The following DTNB variants were observed in gnomAD, a reference collection of about 807,000 sequenced individuals.
DTNB encodes DTN-B.
A neutral mutation model predicts 90.7 loss-of-function variants in DTNB; 63 were observed. The ratio of observed to expected loss-of-function variants is 0.69; its 90% confidence interval spans 0.57 to 0.86. The LOEUF is 0.86. Among genes scored for constraint, DTNB ranks in the 40% least tolerant of loss-of-function variants. The pLI, the probability that DTNB is intolerant of heterozygous loss-of-function variation, is 0.00. For missense variants in DTNB, 744 were observed against 807.1 expected (o/e 0.92, Z 0.95); for synonymous variants, 277 against 286.7 (o/e 0.97, Z 0.34).
At chr2:25,604,561 C>T (rs141762703) in intron 5 of DTNB, among the ~76,000 whole-genome samples, 280 of 152,000 alleles carry the variant, frequency 1.8e-3, no homozygotes, top group African/African-American at 5.1e-3. Flanking sequence ...TATGTACTGC[C>T]ATGCCAAACT....
intron 2 of DTNB, chr2:25,650,213 T>G (rs17047116): frequency 0.14 from 133,141 of 985,250 alleles, 10,271 homozygotes; most frequent in East Asian, 0.59. Context: ...TATCAGGAAT[T>G]ACTGTGTTTG....
chr2:25,455,632 C>T (rs1043164344), intron 10 of DTNB, 138 bp from the exon 11 acceptor site: 1 of 692,020 alleles, frequency 1.4e-6, no homozygotes, highest in South Asian at 1.9e-5. Flanking sequence ...AATAAAAAAC[C>T]CACAATGCAT....
chr2:25,580,369 AAATT>A (rs1348043168), intron 7 of DTNB, among the ~76,000 whole-genome samples: 3 of 151,952 alleles, frequency 2.0e-5, no homozygotes, highest in African/African-American at 7.3e-5. Flanking sequence ...AAAAAGATAA[AAATT>A]AACCAGGTGT....
intron 8 of DTNB, among the ~76,000 whole-genome samples, chr2:25,542,985 TCTCA>T (rs1164999857): frequency 6.6e-6 from 1 of 152,210 alleles, no homozygotes; most frequent in Non-Finnish European, 1.5e-5. Flanking sequence ...TATTTCTCAA[TCTCA>T]CTGTGTTCCT....
intron 5 of DTNB, among the ~76,000 whole-genome samples, chr2:25,601,066 A>G (rs529365863): frequency 5.9e-5 from 9 of 152,358 alleles, no homozygotes; most frequent in African/African-American, 2.2e-4. Flanking sequence ...TATCTCTAAG[A>G]AAAACAATTT....
chr2:25,669,954 A>G (rs34230547), intron 1 of DTNB, among the ~76,000 whole-genome samples: 42,987 of 151,990 alleles, frequency 0.28, 7,323 homozygotes, highest in Non-Finnish European at 0.4. Context: ...TTGAAAATAA[A>G]TGGATTAAAT....
intron 10 of DTNB, among the ~76,000 whole-genome samples, chr2:25,471,105 T>C (rs1225440445): frequency 2.0e-5 from 3 of 152,226 alleles, no homozygotes; most frequent in Admixed American, 1.3e-4. Flanking sequence ...GCCTTCGCTG[T>C]ATTACAAGCT....
chr2:25,441,573 T>A (rs980579604), intron 12 of DTNB, among the ~76,000 whole-genome samples: 1 of 152,242 alleles, frequency 6.6e-6, no homozygotes, highest in Non-Finnish European at 1.5e-5. Context: ...CTCAGTATCG[T>A]GTGTTAGGGC....
chr2:25,623,744 T>C (rs1470317229), intron 4 of DTNB, among the ~76,000 whole-genome samples: 1 of 152,182 alleles, frequency 6.6e-6, no homozygotes, highest in Non-Finnish European at 1.5e-5. Context: ...ATGTTCAGCC[T>C]ATAATAAAAA....
intron 8 of DTNB, chr2:25,558,350 T>C: frequency 1.0e-6 from 1 of 985,380 alleles, no homozygotes; most frequent in Non-Finnish European, 1.2e-6. Context: ...GAGAACACAG[T>C]GATCTTCCCA....
intron 9 of DTNB, among the ~76,000 whole-genome samples, chr2:25,524,680 G>T (rs776942325): frequency 7.9e-5 from 12 of 152,070 alleles, no homozygotes; most frequent in Non-Finnish European, 1.5e-4. Context: ...GAATGGCTCT[G>T]AGCTGTCCCT....
intron 9 of DTNB, among the ~76,000 whole-genome samples, chr2:25,528,856 T>C (rs1345475422): frequency 6.6e-6 from 1 of 152,178 alleles, no homozygotes; most frequent in Non-Finnish European, 1.5e-5. Flanking sequence ...AAGACTTTCC[T>C]GGGGAACAAT....
chr2:25,475,614 C>T (rs569602312), intron 10 of DTNB, among the ~76,000 whole-genome samples: 3 of 152,320 alleles, frequency 2.0e-5, no homozygotes, highest in East Asian at 1.9e-4. Context: ...GAGATGAAAC[C>T]GGCTTCTATC....
chr2:25,431,180 G>A (rs7605235), intron 14 of DTNB, among the ~76,000 whole-genome samples: 31,449 of 151,790 alleles, frequency 0.21, 3,810 homozygotes, highest in Non-Finnish European at 0.27. Context: ...AAAATCCTGA[G>A]GACATTCTCC....
At chr2:25,649,159 C>G (rs2148912885) in intron 2 of DTNB, among the ~76,000 whole-genome samples, 1 of 152,158 alleles carries the variant, frequency 6.6e-6, no homozygotes, top group Admixed American at 6.5e-5. Context: ...TGCCTGCCAG[C>G]ACGCCCAGCT....
chr2:25,488,535 G>A (rs2066680290), intron 9 of DTNB, among the ~76,000 whole-genome samples: 1 of 152,222 alleles, frequency 6.6e-6, no homozygotes, highest in Admixed American at 6.5e-5. Context: ...TGTCTAGAAA[G>A]CAGTTGAAAA....
chr2:25,541,745 C>A (rs892023631), intron 8 of DTNB, among the ~76,000 whole-genome samples: 8 of 152,068 alleles, frequency 5.3e-5, no homozygotes, highest in Admixed American at 5.2e-4. Context: ...CTCTTTGAGA[C>A]CCTGCTTTCA....
intron 9 of DTNB, among the ~76,000 whole-genome samples, chr2:25,530,938 G>A (rs2078042309): frequency 6.6e-6 from 1 of 152,016 alleles, no homozygotes; most frequent in Admixed American, 6.6e-5. Context: ...CAACTTTATT[G>A]TTCTCCTCTA....
At chr2:25,500,864 A>G (rs1474322213) in intron 9 of DTNB, among the ~76,000 whole-genome samples, 3 of 152,262 alleles carry the variant, frequency 2.0e-5, no homozygotes, top group Non-Finnish European at 4.4e-5. Flanking sequence ...GAAGAAAATG[A>G]AGAATCATAG....
Sources: gnomAD v4.1 joint callset for allele counts (sites outside exome capture counted in the v4.1 genomes callset) on GRCh38, gnomAD v4.1.1 for gene constraint, MANE v1.5 for transcripts, NCBI Gene and HGNC (gene_info 2026-07-23, HGNC 2026-07-21) for gene names.